TMEM223: variants seen among roughly 807,000 people sequenced by gnomAD.
TMEM223 encodes transmembrane protein 223.
In TMEM223, 14 loss-of-function variants were observed where a neutral mutation model predicts 14.1. The ratio of observed to expected loss-of-function variants is 0.99; its 90% CI spans 0.66 to 1.55. TMEM223 has a LOEUF of 1.55. Among genes scored for constraint, TMEM223 ranks in the 40% most tolerant of loss-of-function variants. The pLI, the probability that TMEM223 is intolerant of heterozygous loss-of-function variation, is 0.00. For synonymous variants in TMEM223, 145 were observed against 120.5 expected (o/e 1.20, Z -1.33); for missense variants, 346 against 269.9 (o/e 1.28, Z -1.97).
intron 1 of TMEM223, among the ~76,000 whole-genome samples, chr11:62,780,372 G>A (rs2084219725): frequency 1.3e-5 from 2 of 151,884 alleles, no homozygotes; most frequent in African/African-American, 4.8e-5. Context: ...TTAGTCACGT[G>A]TGGTGGTGGA....
At chr11:62,775,679 A>G in intron 1 of TMEM223, 1 of 1,407,048 alleles carries the variant, frequency 7.1e-7, no homozygotes. Context: ...CCAGAGCACG[A>G]GCAGCAAGGC....
intron 2 of TMEM223, among the ~76,000 whole-genome samples, chr11:62,772,874 T>C (rs2084159454): frequency 6.6e-6 from 1 of 151,708 alleles, no homozygotes; most frequent in Non-Finnish European, 1.5e-5. Context: ...TTTGTTTTTG[T>C]TTTTTGTTTT....
downstream of TMEM223, chr11:62,771,195 TAAAAC>T (rs979964288): frequency 4.6e-5 from 7 of 152,226 alleles, no homozygotes; most frequent in African/African-American, 1.7e-4. Context: ...AAACGTGTGT[TAAAAC>T]AATACACACC....
At chr11:62,779,713 C>T (rs920792517) in intron 1 of TMEM223, among the ~76,000 whole-genome samples, 27 of 150,132 alleles carry the variant, frequency 1.8e-4, no homozygotes, top group African/African-American at 6.3e-4. Flanking sequence ...TCACCTAGGC[C>T]GGAGTGCAGT....
chr11:62,775,935 A>C, intron 1 of TMEM223: 1 of 1,600,282 alleles, frequency 6.2e-7, no homozygotes, highest in Non-Finnish European at 8.5e-7. Context: ...ACGCAGGTAC[A>C]CTCCCCTCAC....
chr11:62,791,321 C>T (rs1299627002), intron 1 of TMEM223, among the ~76,000 whole-genome samples: 1 of 151,964 alleles, frequency 6.6e-6, no homozygotes, highest in African/African-American at 2.4e-5. Flanking sequence ...GCAGTGGCGT[C>T]ATCTCGGCTC....
At position 62,790,549 on chromosome 11, in the gene TMEM223, A is replaced by T. The variant is rs1392858805; in HGVS notation, c.*74T>A. On this transcript the variant is annotated 3_prime_UTR_variant, in exon 2 of 2. Coordinates refer to ENST00000307366, the MANE Select transcript of TMEM223 (RefSeq NM_001080501.3). ...AGTGCTGGGATTACAACAGGTGTGA[A>T]CCAACACACCTGGCTCCCCAAGGTT... The T allele has an allele frequency of 7.2e-7, 1 of 1,392,466 alleles. No homozygotes were observed. The highest frequency in any genetic ancestry group is 2.5e-5 in the East Asian group (1 of 40,420). The allele number at this position is 1,392,466 out of a possible 1,614,324, so 86.3% of individuals were successfully genotyped here.
At chr11:62,782,161 G>T in intron 1 of TMEM223, 2 of 1,613,748 alleles carry the variant, frequency 1.2e-6, no homozygotes, top group Non-Finnish European at 1.7e-6. Flanking sequence ...GCTGCTGCAG[G>T]TGGCACGGAG....
At chr11:62,786,914 C>T (rs762995963), downstream of TMEM223, 3 of 1,499,430 alleles carry the variant, frequency 2.0e-6, no homozygotes, top group South Asian at 1.2e-5. Context: ...ATAGTCAGCC[C>T]GCACGGCGAC....
downstream of TMEM223, chr11:62,789,194 A>T (rs765644739): frequency 3.1e-6 from 5 of 1,614,186 alleles, no homozygotes; most frequent in South Asian, 5.5e-5. Context: ...CAGCAGCTGC[A>T]TCGAGGACTC....
At chr11:62,777,908 C>T in intron 1 of TMEM223, 1 of 1,563,418 alleles carries the variant, frequency 6.4e-7, no homozygotes. Context: ...GTCAGTGGAG[C>T]CTCATCCTGG....
chr11:62,785,627 C>G (rs1378833588), downstream of TMEM223, among the ~76,000 whole-genome samples: 1 of 150,192 alleles, frequency 6.7e-6, no homozygotes, highest in South Asian at 2.1e-4. Flanking sequence ...CTCTGCCCCC[C>G]GAGTTCAAGT....
chr11:62,787,262 C>T, downstream of TMEM223: 1 of 1,562,026 alleles, frequency 6.4e-7, no homozygotes, highest in Non-Finnish European at 8.6e-7. Context: ...CGCCGGTGGG[C>T]GCTCTCGGAC....
chr11:62,775,400 T>G (rs1389892123), intron 1 of TMEM223, among the ~76,000 whole-genome samples: 1 of 152,140 alleles, frequency 6.6e-6, no homozygotes, highest in Non-Finnish European at 1.5e-5. Context: ...ATCATATCAG[T>G]CATCTCATTT....
downstream of TMEM223, chr11:62,789,498 T>C (rs370496178): frequency 8.4e-5 from 135 of 1,604,276 alleles, 3 homozygotes; most frequent in East Asian, 6.5e-4. Context: ...TATAATTTCC[T>C]TTTATCCCCA....
At chr11:62,775,734 C>T in intron 1 of TMEM223, 2 of 1,568,266 alleles carry the variant, frequency 1.3e-6, no homozygotes, top group Non-Finnish European at 1.7e-6. Context: ...CTCCGGGAGG[C>T]TGGGCAGCTT....
At chr11:62,778,795 G>T (rs973338659) in intron 1 of TMEM223, 8 of 1,266,320 alleles carry the variant, frequency 6.3e-6, no homozygotes, top group African/African-American at 2.9e-5. Flanking sequence ...TGGTGGTTGA[G>T]GGGGAGGAGG....
At chr11:62,787,420 G>C (rs1226607562), downstream of TMEM223, 8 of 1,558,504 alleles carry the variant, frequency 5.1e-6, no homozygotes, top group Admixed American at 1.9e-5. Flanking sequence ...GCTTCCTGGT[G>C]GTCAGGGCGC....
At chr11:62,778,408 G>GTTAGGTT in intron 1 of TMEM223, 2 of 1,560,562 alleles carry the variant, frequency 1.3e-6, no homozygotes, top group Non-Finnish European at 1.8e-6. Context: ...GTGCCTATGT[G>GTTAGGTT]CCCCCGAGTC....
Sources: gnomAD v4.1 joint callset for allele counts (sites outside exome capture counted in the v4.1 genomes callset) on GRCh38, gnomAD v4.1.1 for gene constraint, MANE v1.5 for transcripts, NCBI Gene and HGNC (gene_info 2026-07-23, HGNC 2026-07-21) for gene names.